Variants in GSK3B observed in about 807,000 individuals in gnomAD.
GSK3B encodes glycogen synthase kinase 3 beta, also known as glycogen synthase kinase-3 beta.
Under a neutral mutation model 56.4 loss-of-function variants are expected in GSK3B, and 15 were observed. That is an observed-to-expected ratio of 0.27 (90% CI 0.18 to 0.41). The LOEUF (loss-of-function observed/expected upper bound fraction) is 0.41, where lower values mean the gene tolerates loss of function less well. Ranked by LOEUF, GSK3B falls within the 10% of genes least tolerant of loss-of-function variation. GSK3B has a pLI of 1.00. For missense variants in GSK3B, 300 were observed against 513.4 expected, an observed-to-expected ratio of 0.58 and a Z score of 4.02; for synonymous variants, 181 against 188.9, an observed-to-expected ratio of 0.96 and a Z score of 0.34.
intron 7 of GSK3B, among the ~76,000 whole-genome samples, chr3:119,894,737 A>T (rs2056543492): frequency 6.6e-6 from 1 of 152,048 alleles, no homozygotes; most frequent in Non-Finnish European, 1.5e-5. Context: ...CAAGTTTTTA[A>T]ATTTGACAAA....
chr3:119,890,987 C>T (rs190195870), intron 7 of GSK3B, among the ~76,000 whole-genome samples: 4 of 152,006 alleles, frequency 2.6e-5, no homozygotes, highest in Admixed American at 1.3e-4. Context: ...CATTTCAAAA[C>T]GTTTACTTAG....
chr3:120,002,146 A>G lies in GSK3B; in HGVS notation c.182T>C (p.Val61Ala), dbSNP rs1319842683. ...CACACCAAATGATCCATTTCCAATCACTTTAGTGTCTGTATAGCTGACTTC... is the reference window on the plus strand; with the variant it reads ...CACACCAAATGATCCATTTCCAATCGCTTTAGTGTCTGTATAGCTGACTTC... ...PQEVSYTDTK[V>A]IGNGSFGVVY... is the part of the protein sequence containing the mutation. Residue 61 changes from valine (V) to alanine (A), a missense_variant, in exon 2 of 11, where the codon GTG (valine) becomes GCG (alanine). Physicochemically the swap from Val to Ala is moderately conservative, Grantham distance 64 (BLOSUM62 0). Around this residue, in one of 6 missense-constraint regions of GSK3B, gnomAD observed 20 missense variants for 59.1 expected, o/e 0.34. Coordinates refer to ENST00000264235, the MANE Select transcript of GSK3B (RefSeq NM_001146156.2). 6.2e-7 allele frequency: 1 copy of G among 1,611,782 alleles called. No homozygotes were observed. The highest frequency in any genetic ancestry group is 8.5e-7 in the Non-Finnish European group (1 of 1,178,842).
At chr3:120,004,110 G>T (rs762383733) in intron 1 of GSK3B, among the ~76,000 whole-genome samples, 5 of 152,210 alleles carry the variant, frequency 3.3e-5, no homozygotes, top group Non-Finnish European at 5.9e-5. Context: ...TGCCTGACTC[G>T]GCGGGTCCCA....
intron 1 of GSK3B, among the ~76,000 whole-genome samples, chr3:120,069,773 G>C (rs1195510095): frequency 6.6e-6 from 1 of 151,800 alleles, no homozygotes; most frequent in African/African-American, 2.4e-5. Context: ...GTACCTACTA[G>C]GCCAACATTT....
At chr3:119,969,054 G>A (rs2057343530) in intron 2 of GSK3B, among the ~76,000 whole-genome samples, 1 of 152,180 alleles carries the variant, frequency 6.6e-6, no homozygotes, top group African/African-American at 2.4e-5. Flanking sequence ...CACTTGGGGA[G>A]GCGGAGGTGG....
chr3:119,855,833 G>A (rs551688348), intron 9 of GSK3B, among the ~76,000 whole-genome samples: 1 of 152,048 alleles, frequency 6.6e-6, no homozygotes, highest in African/African-American at 2.4e-5. Flanking sequence ...CTGTCGTGCG[G>A]TGGGGGGAGG....
At chr3:120,058,156 C>T (rs530074752) in intron 1 of GSK3B, among the ~76,000 whole-genome samples, 1 of 152,082 alleles carries the variant, frequency 6.6e-6, no homozygotes, top group South Asian at 2.1e-4. Flanking sequence ...AAAGTCAATA[C>T]ATCTTGTTAT....
chr3:119,951,518 C>G (rs1300903419), intron 2 of GSK3B, among the ~76,000 whole-genome samples: 1 of 152,186 alleles, frequency 6.6e-6, no homozygotes, highest in Non-Finnish European at 1.5e-5. Flanking sequence ...CTGCAGTAAG[C>G]TGAGATCATG....
intron 2 of GSK3B, among the ~76,000 whole-genome samples, chr3:119,979,032 C>T (rs2057436020): frequency 6.6e-6 from 1 of 152,234 alleles, no homozygotes; most frequent in African/African-American, 2.4e-5. Flanking sequence ...CACATTCCTA[C>T]GGTCTCTCCA....
At chr3:120,008,950 T>C (rs1236785690) in intron 1 of GSK3B, among the ~76,000 whole-genome samples, 1 of 152,050 alleles carries the variant, frequency 6.6e-6, no homozygotes, top group East Asian at 1.9e-4. Flanking sequence ...AAAGGGCTAA[T>C]ATAAAGAATC....
rs921311163 is a variant in GSK3B, at chr3:119,825,646, G to C, written c.*1142C>G. The C allele has an allele frequency of 4.4e-6, 1 of 227,588 alleles. No individual in the cohort carries two copies. Among genetic ancestry groups the C allele is most frequent in the African/African-American group, 2.2e-5 (1 of 45,010 alleles). The allele number at this position is 227,588 out of a possible 1,614,324, so 14.1% of individuals were successfully genotyped here. ...CAATAAATAAATGTAAAAAGCATGAGGTTAAAAAACAAATTAAATACAGAT... is the reference window on the plus strand; with the variant it reads ...CAATAAATAAATGTAAAAAGCATGACGTTAAAAAACAAATTAAATACAGAT... On this transcript the variant is annotated 3_prime_UTR_variant, in exon 11 of 11. Coordinates refer to ENST00000264235, the MANE Select transcript of GSK3B (RefSeq NM_001146156.2).
intron 3 of GSK3B, among the ~76,000 whole-genome samples, chr3:119,938,454 T>C (rs1361839633): frequency 6.6e-6 from 1 of 152,102 alleles, no homozygotes; most frequent in Non-Finnish European, 1.5e-5. Context: ...TATAATCCTT[T>C]ATCTCAGGAA....
chr3:119,912,107 T>C (rs1487813501), intron 6 of GSK3B, among the ~76,000 whole-genome samples: 1 of 152,168 alleles, frequency 6.6e-6, no homozygotes, highest in African/African-American at 2.4e-5. Flanking sequence ...AATGTACCTT[T>C]CACTTGAACA....
At chr3:119,881,438 C>T (rs2056377608) in intron 7 of GSK3B, among the ~76,000 whole-genome samples, 1 of 152,162 alleles carries the variant, frequency 6.6e-6, no homozygotes, top group Admixed American at 6.5e-5. Context: ...TGAATATTTA[C>T]TATTGTACTT....
intron 9 of GSK3B, among the ~76,000 whole-genome samples, chr3:119,846,622 T>C (rs1467626518): frequency 1.3e-5 from 2 of 152,140 alleles, no homozygotes; most frequent in African/African-American, 2.4e-5. Context: ...TGGTGATCAT[T>C]AAAAAGTCAA....
chr3:120,073,126 T>A (rs2058339268), intron 1 of GSK3B, among the ~76,000 whole-genome samples: 1 of 148,978 alleles, frequency 6.7e-6, no homozygotes, highest in South Asian at 2.1e-4. Flanking sequence ...GTGGCTCACA[T>A]CTATAATCCC....
intron 7 of GSK3B, among the ~76,000 whole-genome samples, chr3:119,884,093 A>G (rs1317506147): frequency 3.3e-5 from 5 of 152,136 alleles, no homozygotes; most frequent in Non-Finnish European, 7.4e-5. Context: ...TGGGCATACA[A>G]ATATACAGAA....
In GSK3B at chr3:119,866,356, C is replaced by T. The variant is rs1471595908; in HGVS notation, c.910-2751G>A. Among the ~76,000 whole-genome samples, 5 of 152,116 alleles carry T rather than the reference C, an allele frequency of 3.3e-5. No individual in the cohort carries two copies. The South Asian group carries it at 6.2e-4, about 19-fold the overall frequency. On this transcript the variant is annotated intron_variant, in intron 8 of 10. Transcript: ENST00000264235. ...AATAGAAATAATAATTTTAAAACCC[C>T]ACAATTCCTAAACTTCAGCCTAGAT...
chr3:119,982,593 T>A (rs1429543945), intron 2 of GSK3B, among the ~76,000 whole-genome samples: 1 of 151,956 alleles, frequency 6.6e-6, no homozygotes, highest in African/African-American at 2.4e-5. Context: ...GCTGATTCGA[T>A]CAAGTGGAAG....
Sources: gnomAD v4.1 joint callset for allele counts (sites outside exome capture counted in the v4.1 genomes callset) on GRCh38, gnomAD v4.1.1 for gene constraint, gnomAD v4.1.1 regional missense constraint, MANE v1.5 for transcripts, NCBI Gene and HGNC (gene_info 2026-07-23, HGNC 2026-07-21) for gene names.